GATB: variants seen among roughly 807,000 people sequenced by gnomAD.
The protein encoded by GATB is glutamyl-tRNA(Gln) amidotransferase subunit B, mitochondrial.
In GATB, 39 loss-of-function variants were observed where a neutral mutation model predicts 62.3. The observed-to-expected ratio is 0.63, with a 90% CI of 0.48 to 0.82. GATB has a LOEUF of 0.82. Ranked by LOEUF, GATB falls within the 40% of genes least tolerant of loss-of-function variation. The pLI, the probability that GATB is intolerant of heterozygous loss-of-function variation, is 0.00. For missense variants in GATB, 670 were observed against 684.0 expected (o/e 0.98, Z 0.23); for synonymous variants, 276 against 258.9 (o/e 1.07, Z -0.63).
chr4:151,752,879 T>C (rs1739747528), intron 2 of GATB, among the ~76,000 whole-genome samples: 2 of 152,224 alleles, frequency 1.3e-5, no homozygotes, highest in African/African-American at 4.8e-5. Context: ...CCTATGTAAA[T>C]GCCCAGGGCT....
Position 151,672,672 on chromosome 4 carries a change from A to C in GATB, c.1545+90T>G, listed in dbSNP as rs1326778097. ...AACTGGGTCAGCCATTCTTAGGAAG[A>C]GCCTCTGGGCTGCCACAGGGAGCGA... On this transcript the variant is annotated intron_variant, in intron 12 of 12. Transcript: ENST00000263985. 5.1e-6 allele frequency: 7 copies of C among 1,383,468 alleles called. No individual in the cohort carries two copies. The East Asian group carries it at 1.6e-4, about 32-fold the overall frequency. The allele number at this position is 1,383,468 out of a possible 1,614,324, so 85.7% of individuals were successfully genotyped here. A position where few individuals can be genotyped will look rare whatever the true frequency, so the allele number is the denominator to read the frequency against.
chr4:151,716,380 T>A, intron 4 of GATB: 2 of 432,180 alleles, frequency 4.6e-6, no homozygotes, highest in Non-Finnish European at 8.1e-6. Context: ...ACTTTTGAGC[T>A]CAAGTGATCC....
chr4:151,701,619 A>T lies in GATB; in HGVS notation c.1008-101T>A, dbSNP rs540678530. On this transcript the variant is annotated intron_variant, in intron 8 of 12. Transcript: ENST00000263985. ...ATGAATGTTTCTGTGTTTAGATGCC[A>T]TGTTACTTGCAAATATTTTCAAATG... 7.4e-6 allele frequency: 6 copies of T among 812,432 alleles called. No homozygotes were observed. The African/African-American group carries it at 1.1e-4, about 14-fold the overall frequency. The allele number at this position is 812,432 out of a possible 1,614,324, so 50.3% of individuals were successfully genotyped here. A position where few individuals can be genotyped will look rare whatever the true frequency, so the allele number is the denominator to read the frequency against.
intron 2 of GATB, among the ~76,000 whole-genome samples, chr4:151,738,812 A>G (rs1031629700): frequency 2.0e-5 from 3 of 152,244 alleles, no homozygotes; most frequent in Admixed American, 6.5e-5. Context: ...TCGGAAATGA[A>G]CAATTAGCAA....
intron 2 of GATB, among the ~76,000 whole-genome samples, chr4:151,748,736 T>TA (rs1306692979): frequency 2.0e-5 from 3 of 152,146 alleles, no homozygotes; most frequent in Non-Finnish European, 4.4e-5. Context: ...ACCTACAGAA[T>TA]GGGAGAAAAT....
intron 11 of GATB, chr4:151,676,206 C>G (rs947577047): frequency 3.9e-5 from 6 of 152,228 alleles, no homozygotes; most frequent in African/African-American, 1.4e-4. Flanking sequence ...AAAAAGACAT[C>G]TAGTCATTTG....
intron 2 of GATB, among the ~76,000 whole-genome samples, chr4:151,750,749 C>A (rs1560866857): frequency 6.6e-6 from 1 of 151,096 alleles, no homozygotes; most frequent in Non-Finnish European, 1.5e-5. Context: ...CCCACCTCAA[C>A]CCCACAAGCA....
chr4:151,735,237 A>C (rs898867326), intron 2 of GATB, among the ~76,000 whole-genome samples: 3 of 144,800 alleles, frequency 2.1e-5, no homozygotes, highest in Non-Finnish European at 4.5e-5. Flanking sequence ...ATCAGTAAGA[A>C]AAAAAAAAAA....
intron 9 of GATB, among the ~76,000 whole-genome samples, chr4:151,689,931 G>T (rs1738329437): frequency 6.6e-6 from 1 of 152,142 alleles, no homozygotes. Flanking sequence ...AATAAAAACT[G>T]TGCTGCTCAG....
In GATB at chr4:151,705,148, C is replaced by A. The variant is rs777444841; in HGVS notation, c.962+37G>T. ...TGAGCCCAGCCCTCTCGCACCACCC[C>A]CGGCTGTGGTCAGGACGCTCAGCAA... On this transcript the variant is annotated intron_variant, in intron 7 of 12. Transcript: ENST00000263985. 6.1e-6 allele frequency: 9 copies of A among 1,479,252 alleles called. No individual in the cohort carries two copies. In the African/African-American group the frequency reaches 9.7e-5, roughly 16 times the overall value. 91.6% of individuals were successfully genotyped at this position (1,479,252 alleles called of 1,614,324 possible).
In GATB at chr4:151,693,500, C is replaced by T. The variant is rs559802688; in HGVS notation, c.1198-4737G>A. Among the ~76,000 whole-genome samples the T allele has an allele frequency of 5.9e-4, 86 of 144,660 alleles. 1 individual carries two copies. In the South Asian group the frequency reaches 9.8e-3, roughly 17 times the overall value. 94.9% of individuals were successfully genotyped at this position (144,660 alleles called of 152,430 possible). A position where few individuals can be genotyped will look rare whatever the true frequency, so the allele number is the denominator to read the frequency against. ...TGGTGTGAGGCTGGCACAGGAAACA[C>T]GACCCCCCCCTCAAGAGTGTCAGGA... On this transcript the variant is annotated intron_variant, in intron 9 of 12. Coordinates refer to ENST00000263985, the MANE Select transcript of GATB (RefSeq NM_004564.3).
At position 151,737,428 on chromosome 4, in the gene GATB, C is replaced by T. The variant is rs756026645; in HGVS notation, c.328-17890G>A. On this transcript the variant is annotated intron_variant, in intron 2 of 12. Coordinates refer to ENST00000263985, the MANE Select transcript of GATB (RefSeq NM_004564.3). The stretch of plus-strand genomic sequence containing the variant: ...AAGCATTCAAGAGGTGACTTGGGTG[C>T]TGTTAAAGGCACTCCGTTTTATAAA... Among the ~76,000 whole-genome samples, 11 of 152,174 alleles carry T rather than the reference C, an allele frequency of 7.2e-5. No homozygotes were observed. In the South Asian group the frequency reaches 8.3e-4, roughly 11 times the overall value.
At chr4:151,721,555 G>C (rs180716217) in intron 2 of GATB, 1 of 152,328 alleles carries the variant, frequency 6.6e-6, no homozygotes, top group African/African-American at 2.4e-5. Flanking sequence ...CTGATGATTC[G>C]GGTCCAGGCA....
At chr4:151,731,512 A>G (rs1739249984) in intron 2 of GATB, among the ~76,000 whole-genome samples, 1 of 152,120 alleles carries the variant, frequency 6.6e-6, no homozygotes, top group African/African-American at 2.4e-5. Flanking sequence ...AAGTGCCGAG[A>G]TTGCAGCCTC....
At chr4:151,680,112 C>T (rs1046504782) in intron 10 of GATB, among the ~76,000 whole-genome samples, 1 of 152,086 alleles carries the variant, frequency 6.6e-6, no homozygotes, top group Non-Finnish European at 1.5e-5. Flanking sequence ...TCTTTCACCA[C>T]CCAACAATAA....
At chr4:151,738,823 G>C (rs995472486) in intron 2 of GATB, among the ~76,000 whole-genome samples, 2 of 152,222 alleles carry the variant, frequency 1.3e-5, no homozygotes, top group Non-Finnish European at 2.9e-5. Flanking sequence ...CAATTAGCAA[G>C]TATTGCAGCA....
At chr4:151,740,647 C>T (rs888127376) in intron 2 of GATB, among the ~76,000 whole-genome samples, 10 of 152,196 alleles carry the variant, frequency 6.6e-5, no homozygotes, top group African/African-American at 2.2e-4. Context: ...ATCCCCGCAG[C>T]ATCACCGATG....
At chr4:151,688,246 C>A (rs1252585814) in intron 10 of GATB, among the ~76,000 whole-genome samples, 1 of 152,180 alleles carries the variant, frequency 6.6e-6, no homozygotes, top group African/African-American at 2.4e-5. Context: ...GTTGGTTCCC[C>A]AGCCTCTGTT....
chr4:151,679,524 G>A (rs1393555763), intron 11 of GATB, among the ~76,000 whole-genome samples: 1 of 152,174 alleles, frequency 6.6e-6, no homozygotes, highest in Admixed American at 6.5e-5. Flanking sequence ...AAGTTCTCAG[G>A]TGTAAAAGGG....
Sources: gnomAD v4.1 joint callset for allele counts (sites outside exome capture counted in the v4.1 genomes callset) on GRCh38, gnomAD v4.1.1 for gene constraint, MANE v1.5 for transcripts, NCBI Gene and HGNC (gene_info 2026-07-23, HGNC 2026-07-21) for gene names.